HEXB: variants seen among roughly 807,000 people sequenced by gnomAD.
HEXB encodes hexosaminidase subunit beta, also known as beta-hexosaminidase subunit beta.
HEXB carries 51 observed loss-of-function variants against 71.2 expected under a neutral mutation model. The observed-to-expected ratio is 0.72, with a 90% CI of 0.57 to 0.90. HEXB has a LOEUF of 0.90. HEXB is among the 40% of genes least tolerant of loss of function. The pLI is 0.00. For synonymous variants in HEXB, 266 were observed against 249.3 expected (o/e 1.07, Z -0.63); for missense variants, 617 against 677.0 (o/e 0.91, Z 0.98).
At position 74,716,670 on chromosome 5, in the gene HEXB, A is replaced by T; in HGVS notation, c.1166A>T (p.Gln389Leu). The T allele has an allele frequency of 6.3e-7, 1 of 1,582,726 alleles. No homozygotes were observed. The highest frequency in any genetic ancestry group is 1.1e-5 in the South Asian group (1 of 89,928). The change falls in exon 9 of 14, where the codon CAA (glutamine) becomes CTA (leucine). Residue 389 changes from glutamine to leucine, a missense_variant. By Grantham distance (113) the Gln-to-Leu change is moderately radical. Coordinates refer to ENST00000261416, the MANE Select transcript of HEXB (RefSeq NM_000521.4). ...AAGAAACTAGAATCTTTCTACATTC[A>T]AAAGTAAGTTGTTTGAAAGCCTATT... ...DFKKLESFYI[Q>L]KVLDIIATIN...
chr5:74,678,957 A>T (rs777133132), intron 1 of HEXB, among the ~76,000 whole-genome samples: 2 of 152,222 alleles, frequency 1.3e-5, no homozygotes, highest in Admixed American at 1.3e-4. Flanking sequence ...AATTAAAACA[A>T]CTTACAAAAT....
rs188974973 is a variant in HEXB at position 74,701,904 on chromosome 5, G to C, written c.670-3315G>C. Among the ~76,000 whole-genome samples the C allele has an allele frequency of 5.3e-3, 804 of 151,958 alleles. 9 individuals are homozygous for C. Among genetic ancestry groups the C allele is most frequent in the Middle Eastern group, 0.021 (6 of 292 alleles). ...AACTTCAGTACAACCATCAAAATCA[G>C]GAAATTGACACAATACTGCATCTAA... On this transcript the variant is annotated intron_variant, in intron 5 of 13. Transcript: ENST00000261416.
intron 1 of HEXB, among the ~76,000 whole-genome samples, chr5:74,661,427 A>G (rs1748317525): frequency 6.6e-6 from 1 of 152,064 alleles, no homozygotes; most frequent in African/African-American, 2.4e-5. Flanking sequence ...ATATTTTTTT[A>G]AATAATATTT....
At chr5:74,706,703 A>C (rs866614581) in intron 6 of HEXB, among the ~76,000 whole-genome samples, 1 of 151,996 alleles carries the variant, frequency 6.6e-6, no homozygotes, top group African/African-American at 2.4e-5. Context: ...GCTAGCACAG[A>C]AGTCTGAGAT....
intron 5 of HEXB, among the ~76,000 whole-genome samples, chr5:74,700,056 G>A (rs957895871): frequency 1.4e-5 from 2 of 138,180 alleles, no homozygotes; most frequent in Admixed American, 7.8e-5. Context: ...GCCCAGACTG[G>A]AGTGCAGTGG....
intron 7 of HEXB, among the ~76,000 whole-genome samples, chr5:74,715,108 G>A (rs527352181): frequency 2.2e-4 from 34 of 152,310 alleles, no homozygotes; most frequent in Non-Finnish European, 4.0e-4. Context: ...ATTAGAATAC[G>A]AAAATCAGGA....
intron 11 of HEXB, 109 bp downstream of exon 11, chr5:74,719,080 C>A: frequency 1.0e-6 from 1 of 997,740 alleles, no homozygotes; most frequent in Non-Finnish European, 1.6e-6. Context: ...ACCTCCCACC[C>A]CAGAAGTCTT....
At chr5:74,654,744 C>T (rs1199799482) in intron 1 of HEXB, among the ~76,000 whole-genome samples, 3 of 152,074 alleles carry the variant, frequency 2.0e-5, no homozygotes, top group Admixed American at 1.3e-4. Flanking sequence ...AAGACATAAT[C>T]GAGTATTTTA....
At position 74,715,623 on chromosome 5, in the gene HEXB, G is replaced by A; in HGVS notation, c.1015G>A (p.Glu339Lys). 1.2e-6 allele frequency: 2 copies of A among 1,609,734 alleles called. No individual in the cohort carries two copies. The highest frequency in any genetic ancestry group is 1.7e-6 in the Non-Finnish European group (2 of 1,176,544). The change falls in exon 8 of 14, where the codon GAA (glutamate) becomes AAA (lysine). Residue 339 changes from glutamate to lysine, a missense_variant. Physicochemically the swap from Glu to Lys is moderately conservative, Grantham distance 56. Coordinates refer to ENST00000261416, the MANE Select transcript of HEXB (RefSeq NM_000521.4). ...CAGCTTCCTTACTACATTTTTCAAA[G>A]AAATTAGTGAGGTGTTTCCAGATCA... The part of the protein sequence containing the change: ...TYSFLTTFFK[E>K]ISEVFPDQFI...
At chr5:74,671,242 T>A (rs1458023920) in intron 1 of HEXB, among the ~76,000 whole-genome samples, 1 of 152,126 alleles carries the variant, frequency 6.6e-6, no homozygotes, top group Non-Finnish European at 1.5e-5. Context: ...TCATCAGACC[T>A]TACGTCCACT....
At position 74,715,661 on chromosome 5, in the gene HEXB, G is replaced by C. The variant is rs1561226729; in HGVS notation, c.1053G>C (p.Leu351Phe). The change falls in exon 8 of 14, where the codon TTG (leucine) becomes TTC (phenylalanine). Residue 351 changes from leucine (L) to phenylalanine (F), a missense_variant. Coordinates refer to ENST00000261416, the MANE Select transcript of HEXB (RefSeq NM_000521.4). ...SEVFPDQFIH[L>F]GGDEVEFKCW... The stretch of plus-strand genomic sequence containing the variant: ...TGTTTCCAGATCAATTCATTCATTT[G>C]GGAGGAGATGAAGTGGAATTTAAAT... The C allele has an allele frequency of 6.2e-7, 1 of 1,608,906 alleles. No homozygotes were observed. The highest frequency in any genetic ancestry group is 1.7e-5 in the Admixed American group (1 of 59,938).
chr5:74,721,132 C>A lies in HEXB; in HGVS notation c.1628C>A (p.Ala543Glu). 6.2e-7 allele frequency: 1 copy of A among 1,612,800 alleles called. No homozygotes were observed. Among genetic ancestry groups the A allele is most frequent in the Non-Finnish European group, 8.5e-7 (1 of 1,178,982 alleles). ...RCRMVERGIAAQPLYAGYCNH... is the reference protein window; with the variant it reads ...RCRMVERGIAEQPLYAGYCNH... ...GTTATCTACAGACGTGGAATAGCTG[C>A]ACAACCTCTTTATGCTGGATATTGT... Residue 543 changes from alanine to glutamate, a missense_variant, in exon 14 of 14, where the codon GCA (alanine) becomes GAA (glutamate). By Grantham distance (107) the Ala-to-Glu change is moderately radical (BLOSUM62 -1). Coordinates refer to ENST00000261416, the MANE Select transcript of HEXB (RefSeq NM_000521.4).
chr5:74,684,198 G>A (rs1168871878), upstream of HEXB, among the ~76,000 whole-genome samples: 3 of 152,168 alleles, frequency 2.0e-5, no homozygotes, highest in African/African-American at 7.2e-5. Context: ...CAGATCTGTG[G>A]TTTTGGTCTG....
chr5:74,699,248 GAC>G (rs1749192279), intron 5 of HEXB, among the ~76,000 whole-genome samples: 1 of 151,922 alleles, frequency 6.6e-6, no homozygotes, highest in African/African-American at 2.4e-5. Context: ...ACTTAAATGA[GAC>G]TGTACTTTTG....
intron 1 of HEXB, among the ~76,000 whole-genome samples, chr5:74,678,298 CATAAATAA>C (rs78230461): frequency 0.027 from 3,905 of 145,120 alleles, 75 homozygotes; most frequent in South Asian, 0.05. Context: ...AACTCCATCT[CATAAATAA>C]ATAAATAAAT....
chr5:74,710,712 G>A (rs549219723), intron 6 of HEXB, among the ~76,000 whole-genome samples: 2 of 151,668 alleles, frequency 1.3e-5, no homozygotes, highest in East Asian at 3.9e-4. Flanking sequence ...AAATACCTAG[G>A]AATCCAACTT....
chr5:74,691,972 A>T lies in HEXB; in HGVS notation c.446-1667A>T, dbSNP rs78361430. On this transcript the variant is annotated intron_variant, in intron 2 of 13. Transcript: ENST00000261416. The stretch of plus-strand genomic sequence containing the variant: ...TCTATAGCTATGTGTCCATATATTT[A>T]GAAAACCAAATTTCTAATTGTTATA... Among the ~76,000 whole-genome samples, 28 of 152,144 alleles carry T rather than the reference A, an allele frequency of 1.8e-4. No homozygotes were observed. In the East Asian group the frequency reaches 5.2e-3, roughly 28 times the overall value.
chr5:74,711,874 G>A (rs1412063574), intron 6 of HEXB, among the ~76,000 whole-genome samples: 31 of 148,274 alleles, frequency 2.1e-4, no homozygotes, highest in African/African-American at 1.0e-4. Flanking sequence ...TCAGTGTGGC[G>A]ATTCCTCAGG....
At chr5:74,687,450 C>T (rs960539543) in intron 1 of HEXB, among the ~76,000 whole-genome samples, 4 of 152,206 alleles carry the variant, frequency 2.6e-5, no homozygotes, top group African/African-American at 7.2e-5. Context: ...TGCATAGCTG[C>T]TTCTTTAGCT....
Sources: gnomAD v4.1 joint callset for allele counts (sites outside exome capture counted in the v4.1 genomes callset) on GRCh38, gnomAD v4.1.1 for gene constraint, MANE v1.5 for transcripts, NCBI Gene and HGNC (gene_info 2026-07-23, HGNC 2026-07-21) for gene names.